Variants in C7orf57 observed in about 807,000 individuals in gnomAD.
The protein encoded by C7orf57 is uncharacterized protein C7orf57.
A neutral mutation model predicts 39.0 loss-of-function variants in C7orf57; 33 were observed. The ratio of observed to expected loss-of-function variants is 0.85; its 90% CI spans 0.64 to 1.13. C7orf57 has a LOEUF of 1.13. Ranked by LOEUF, C7orf57 falls within the 50% of genes most tolerant of loss-of-function variation. The pLI is 0.00. For missense variants in C7orf57, 346 were observed against 362.3 expected, an observed-to-expected ratio of 0.95 and a Z score of 0.37; for synonymous variants, 124 against 137.1, an observed-to-expected ratio of 0.90 and a Z score of 0.67.
intron 2 of C7orf57, 78 bp downstream of exon 2, chr7:48,036,441 A>G: frequency 7.4e-7 from 1 of 1,348,582 alleles, no homozygotes; most frequent in Non-Finnish European, 1.0e-6. Flanking sequence ...CTGTGGACCC[A>G]ACGTCCTCTA....
At chr7:48,046,267 A>G in intron 4 of C7orf57, among the ~76,000 whole-genome samples, 193 bp from the exon 5 acceptor site, 1 of 151,552 alleles carries the variant, frequency 6.6e-6, no homozygotes, top group Non-Finnish European at 1.5e-5. Context: ...GGAAGAGGAA[A>G]AGAGAGAAAG....
At chr7:48,036,165 TAC>T in intron 1 of C7orf57, 41 bp from the exon 2 acceptor site, 1 of 811,584 alleles carries the variant, frequency 1.2e-6, no homozygotes, top group Non-Finnish European at 2.1e-6. Flanking sequence ...GGGCGAGGCG[TAC>T]AGACCGACCC....
chr7:48,048,213 G>A (rs1282997265), intron 5 of C7orf57, among the ~76,000 whole-genome samples: 1 of 152,178 alleles, frequency 6.6e-6, no homozygotes, highest in East Asian at 1.9e-4. Flanking sequence ...TAAGGTGCAG[G>A]GGATGAGCAC....
chr7:48,051,011 T>A (rs762133079), intron 6 of C7orf57, among the ~76,000 whole-genome samples: 1 of 152,188 alleles, frequency 6.6e-6, no homozygotes, highest in Non-Finnish European at 1.5e-5. Flanking sequence ...CTCTACCGTG[T>A]CAAACTGCCC....
intron 7 of C7orf57, chr7:48,053,151 C>T: frequency 1.6e-6 from 1 of 641,528 alleles, no homozygotes. Flanking sequence ...TTTGGGGTTT[C>T]ACATTTTCTT....
In C7orf57 at chr7:48,049,862, G is replaced by A. The variant is rs1331360287; in HGVS notation, c.508-18G>A. ...ATGCTTTCCACTAACTCAAGGTTTT[G>A]TGTGTTTCCTCACACAGCTGAGGCT... On this transcript the variant is annotated intron_variant, in intron 5 of 8. Transcript: ENST00000348904. 1 of 1,606,230 alleles carries A rather than the reference G, an allele frequency of 6.2e-7. No individual in the cohort carries two copies. The highest frequency in any genetic ancestry group is 1.7e-5 in the Admixed American group (1 of 59,842).
At chr7:48,042,869 T>A (rs1405171512) in intron 3 of C7orf57, among the ~76,000 whole-genome samples, 3 of 152,092 alleles carry the variant, frequency 2.0e-5, no homozygotes, top group African/African-American at 7.2e-5. Flanking sequence ...AGCAAGTGGG[T>A]GAGTCCGGAG....
chr7:48,060,302 T>A lies in C7orf57; in HGVS notation c.*30T>A, dbSNP rs2128800938. Reference sequence around the variant, plus strand: ...TGATGCAATATGTATTTAGGATAATTTTTAAATGGCTAAATATGACATGAC... The same window carrying A: ...TGATGCAATATGTATTTAGGATAATATTTAAATGGCTAAATATGACATGAC... On this transcript the variant is annotated 3_prime_UTR_variant, in exon 9 of 9. Transcript: ENST00000348904. The A allele has an allele frequency of 7.0e-7, 1 of 1,422,428 alleles. No individual in the cohort carries two copies. Among genetic ancestry groups the A allele is most frequent in the Non-Finnish European group, 9.6e-7 (1 of 1,043,936 alleles). The allele number at this position is 1,422,428 out of a possible 1,614,324, so 88.1% of individuals were successfully genotyped here. A position where few individuals can be genotyped will look rare whatever the true frequency, so the allele number is the denominator to read the frequency against.
chr7:48,048,805 C>G (rs1374406446), intron 5 of C7orf57, among the ~76,000 whole-genome samples: 2 of 151,920 alleles, frequency 1.3e-5, no homozygotes, highest in African/African-American at 4.8e-5. Flanking sequence ...CTGGACAGTG[C>G]AGGAACATCG....
At chr7:48,051,817 C>CTTTCTT (rs1279316126) in intron 6 of C7orf57, among the ~76,000 whole-genome samples, 6 of 51,150 alleles carry the variant, frequency 1.2e-4, no homozygotes, top group African/African-American at 3.6e-4. Context: ...CTTTTCTCTT[C>CTTTCTT]TCTTTCTTTC....
At chr7:48,043,034 G>A (rs1461625695) in intron 3 of C7orf57, among the ~76,000 whole-genome samples, 1 of 152,134 alleles carries the variant, frequency 6.6e-6, no homozygotes, top group Non-Finnish European at 1.5e-5. Flanking sequence ...AATGGTAGGG[G>A]TGGGGTTAGG....
Position 48,060,331 on chromosome 7 carries a change from A to G in C7orf57, c.*59A>G. ...AAATGGCTAAATATGACATGACTGT[A>G]TTATAGCTATATTTCTGAGGCTTTT... On this transcript the variant is annotated 3_prime_UTR_variant, in exon 9 of 9. Coordinates refer to ENST00000348904, the MANE Select transcript of C7orf57 (RefSeq NM_001100159.3). 9.5e-7 allele frequency: 1 copy of G among 1,051,108 alleles called. No homozygotes were observed. The highest frequency in any genetic ancestry group is 1.4e-6 in the Non-Finnish European group (1 of 725,526). The allele number at this position is 1,051,108 out of a possible 1,614,324, so 65.1% of individuals were successfully genotyped here.
At position 48,036,909 on chromosome 7, in the gene C7orf57, G is replaced by A. The variant is rs924816101; in HGVS notation, c.55+546G>A. 6.9e-4 allele frequency among the ~76,000 whole-genome samples: 105 copies of A among 151,524 alleles called. 1 individual carries two copies. The highest frequency in any genetic ancestry group is 1.0e-4 in the Non-Finnish European group (7 of 67,886). On this transcript the variant is annotated intron_variant, in intron 2 of 8. Coordinates refer to ENST00000348904, the MANE Select transcript of C7orf57 (RefSeq NM_001100159.3). Reference sequence around the variant, plus strand: ...TGGAGGAGAGGGGAAGGAAGAAGAAGTCTTGAGATGCTGTCTTCTGGGTTT... The same window carrying A: ...TGGAGGAGAGGGGAAGGAAGAAGAAATCTTGAGATGCTGTCTTCTGGGTTT...
At position 48,041,471 on chromosome 7, in the gene C7orf57, G is replaced by T; in HGVS notation, c.193G>T (p.Glu65Ter). 6.2e-7 allele frequency: 1 copy of T among 1,613,632 alleles called. No individual in the cohort carries two copies. The change falls in exon 3 of 9, where the codon GAA becomes TAA. Residue 65 changes from glutamate to a stop codon, truncating the protein, a stop_gained. Transcript: ENST00000348904. LOFTEE classifies it high-confidence loss of function. ...TGGGACTCGGAGATACTGGATAAAA[G>T]AAACAGATTCGGAATATGTGAAGCT... ...LPGTRRYWIK[E>*]TDSEYVKLAK...
At chr7:48,057,988 T>C (rs996852070) in intron 8 of C7orf57, among the ~76,000 whole-genome samples, 1 of 152,162 alleles carries the variant, frequency 6.6e-6, no homozygotes, top group African/African-American at 2.4e-5. Context: ...TAATGTAGTA[T>C]ATCACATTTA....
rs554079792 is a variant in C7orf57, at chr7:48,044,928, T to C, written c.350+1339T>C. ...CTTGAAAATAGGACTACCACAAATATATTTCCAAGTGGTTATCCGGTGTTA... is the reference window on the plus strand; with the variant it reads ...CTTGAAAATAGGACTACCACAAATACATTTCCAAGTGGTTATCCGGTGTTA... On this transcript the variant is annotated intron_variant, in intron 4 of 8. Coordinates refer to ENST00000348904, the MANE Select transcript of C7orf57 (RefSeq NM_001100159.3). Among the ~76,000 whole-genome samples, 50 of 152,320 alleles carry C rather than the reference T, an allele frequency of 3.3e-4. No homozygotes were observed. In the South Asian group the frequency reaches 4.6e-3, roughly 14 times the overall value.
At chr7:48,037,650 T>C (rs1048669583) in intron 2 of C7orf57, among the ~76,000 whole-genome samples, 1 of 152,056 alleles carries the variant, frequency 6.6e-6, no homozygotes, top group African/African-American at 2.4e-5. Flanking sequence ...TATATATATA[T>C]ATAAAAAATC....
chr7:48,050,020 G>A (rs1488988367), intron 6 of C7orf57, 43 bp downstream of exon 6: 1 of 1,393,944 alleles, frequency 7.2e-7, no homozygotes, highest in African/African-American at 1.4e-5. Flanking sequence ...ACTGGGTTTG[G>A]GTTTGGCCTT....
At chr7:48,054,982 T>C (rs1791074413) in intron 8 of C7orf57, among the ~76,000 whole-genome samples, 1 of 152,168 alleles carries the variant, frequency 6.6e-6, no homozygotes, top group Admixed American at 6.5e-5. Flanking sequence ...GTTCACGCCA[T>C]TCTCCCGCCT....
Sources: gnomAD v4.1 joint callset for allele counts (sites outside exome capture counted in the v4.1 genomes callset) on GRCh38, gnomAD v4.1.1 for gene constraint, MANE v1.5 for transcripts, NCBI Gene and HGNC (gene_info 2026-07-23, HGNC 2026-07-21) for gene names.